The following EPS15 variants were observed in gnomAD, a reference collection of about 807,000 sequenced individuals.
The protein encoded by EPS15 is epidermal growth factor receptor substrate 15.
In EPS15, 72 loss-of-function variants were observed where a neutral mutation model predicts 113.8. The ratio of observed to expected loss-of-function variants is 0.63; its 90% CI spans 0.52 to 0.77. The LOEUF (loss-of-function observed/expected upper bound fraction) is 0.77, where lower values mean the gene tolerates loss of function less well. Ranked by LOEUF, EPS15 falls within the 30% of genes least tolerant of loss-of-function variation. The pLI, the probability that EPS15 is intolerant of heterozygous loss-of-function variation, is 0.00. For missense variants in EPS15, 1,048 were observed against 1,045.8 expected, an observed-to-expected ratio of 1.00 and a Z score of -0.03; for synonymous variants, 344 against 363.4, an observed-to-expected ratio of 0.95 and a Z score of 0.61.
chr1:51,494,372 T>C (rs1044934876), intron 1 of EPS15, among the ~76,000 whole-genome samples: 1 of 152,234 alleles, frequency 6.6e-6, no homozygotes, highest in African/African-American at 2.4e-5. Flanking sequence ...GCCCTCTCTA[T>C]TTTACTTTCT....
chr1:51,370,673 T>G (rs1232430149), intron 21 of EPS15, among the ~76,000 whole-genome samples: 1 of 151,748 alleles, frequency 6.6e-6, no homozygotes, highest in Non-Finnish European at 1.5e-5. Context: ...CAGGCTGGAG[T>G]GCAGTGGCAT....
intron 24 of EPS15, among the ~76,000 whole-genome samples, chr1:51,357,424 ATATTT>A (rs1202798499): frequency 2.1e-4 from 14 of 68,184 alleles, no homozygotes; most frequent in East Asian, 5.4e-4. Flanking sequence ...ATATATATAT[ATATTT>A]TTTTTTTTTA....
chr1:51,515,016 GACT>G (rs1158696590), intron 1 of EPS15, among the ~76,000 whole-genome samples: 3 of 152,210 alleles, frequency 2.0e-5, no homozygotes, highest in Non-Finnish European at 2.9e-5. Context: ...TGTTAAACCA[GACT>G]ACTAAGATGA....
chr1:51,408,886 G>A (rs1232641818), intron 14 of EPS15, among the ~76,000 whole-genome samples: 2 of 148,418 alleles, frequency 1.3e-5, no homozygotes, highest in African/African-American at 5.1e-5. Flanking sequence ...TGCAAGCTCC[G>A]CCTCCTGGGT....
intron 21 of EPS15, among the ~76,000 whole-genome samples, chr1:51,387,828 T>C (rs376395878): frequency 6.6e-6 from 1 of 152,160 alleles, no homozygotes; most frequent in Non-Finnish European, 1.5e-5. Flanking sequence ...AGCAAGTCCT[T>C]AGAGACCTAC....
At chr1:51,442,702 A>G (rs1652687107) in intron 11 of EPS15, among the ~76,000 whole-genome samples, 1 of 152,180 alleles carries the variant, frequency 6.6e-6, no homozygotes, top group South Asian at 2.1e-4. Flanking sequence ...ATGTGACAAA[A>G]GCATGCTGTT....
intron 20 of EPS15, among the ~76,000 whole-genome samples, chr1:51,398,336 A>G (rs907812564): frequency 3.9e-5 from 6 of 152,150 alleles, no homozygotes; most frequent in African/African-American, 1.4e-4. Context: ...TACAGGCGTG[A>G]GCCACCGCGC....
intron 12 of EPS15, chr1:51,423,335 C>T: frequency 8.3e-7 from 1 of 1,210,890 alleles, no homozygotes; most frequent in South Asian, 1.4e-5. Context: ...GACCATCCCC[C>T]ACCTCCAACC....
intron 2 of EPS15, among the ~76,000 whole-genome samples, chr1:51,476,818 T>C (rs978554690): frequency 6.6e-6 from 1 of 152,216 alleles, no homozygotes; most frequent in African/African-American, 2.4e-5. Flanking sequence ...TTGATCATGG[T>C]GGATAAGCTT....
At chr1:51,371,341 T>G (rs1377509052) in intron 21 of EPS15, among the ~76,000 whole-genome samples, 1 of 152,166 alleles carries the variant, frequency 6.6e-6, no homozygotes, top group African/African-American at 2.4e-5. Context: ...GACAGCTTCA[T>G]GTGTTTGACT....
At chr1:51,492,950 G>A (rs535710007) in intron 1 of EPS15, among the ~76,000 whole-genome samples, 316 of 152,058 alleles carry the variant, frequency 2.1e-3, no homozygotes, top group Non-Finnish European at 3.6e-3. Flanking sequence ...AACAACAGCC[G>A]GGCGCGGTGG....
At chr1:51,400,711 C>T (rs75259806) in intron 19 of EPS15, among the ~76,000 whole-genome samples, 1 of 47,082 alleles carries the variant, frequency 2.1e-5, no homozygotes, top group African/African-American at 1.1e-4. Flanking sequence ...ACAAAAAACA[C>T]CAAAAAAAAA....
chr1:51,355,950 CTT>C lies in EPS15; in HGVS notation c.*748_*749del, dbSNP rs1646209180. 1 of 191,656 alleles carries C rather than the reference CTT, an allele frequency of 5.2e-6. No homozygotes were observed. The highest frequency in any genetic ancestry group is 1.9e-4 in the South Asian group (1 of 5,164). 11.9% of individuals were successfully genotyped at this position (191,656 alleles called of 1,614,324 possible). ...CTTAAAATGAACATTTTCTTACAAA[CTT>C]TATTTGTAAGAAACTGATTTTTATT... is the stretch of plus-strand genomic sequence containing the variant. On this transcript the variant is annotated 3_prime_UTR_variant, in exon 25 of 25. Transcript: ENST00000371733.
chr1:51,468,014 A>C (rs1411920195), intron 5 of EPS15, among the ~76,000 whole-genome samples: 1 of 152,164 alleles, frequency 6.6e-6, no homozygotes, highest in Admixed American at 6.6e-5. Flanking sequence ...GCTGGAGAGC[A>C]ACGGTGTGAT....
At chr1:51,383,647 T>TC (rs1364912942) in intron 21 of EPS15, among the ~76,000 whole-genome samples, 1 of 152,154 alleles carries the variant, frequency 6.6e-6, no homozygotes, top group African/African-American at 2.4e-5. Flanking sequence ...ACTCACCTCC[T>TC]CCTGTGCAGC....
intron 22 of EPS15, among the ~76,000 whole-genome samples, chr1:51,364,640 G>A (rs1321049915): frequency 6.6e-6 from 1 of 151,892 alleles, no homozygotes; most frequent in Non-Finnish European, 1.5e-5. Context: ...GACTACAGGT[G>A]TGTACCACCA....
Position 51,457,510 on chromosome 1 carries a change from CTTTTTTTTT to C in EPS15, c.561+3572_561+3580del, listed in dbSNP as rs34245440. The C allele has an allele frequency of 1.1e-3, 80 of 70,718 alleles. 1 individual carries two copies. Among genetic ancestry groups the C allele is most frequent in the African/African-American group, 3.9e-3 (72 of 18,260 alleles). 4.4% of individuals were successfully genotyped at this position (70,718 alleles called of 1,614,324 possible). On this transcript the variant is annotated intron_variant, in intron 8 of 24. Coordinates refer to ENST00000371733, the MANE Select transcript of EPS15 (RefSeq NM_001981.3). ...ATTTTTTCGGATTTTGGAATATTAT[CTTTTTTTTT>C]TTTTTTTTTTTTTTTTCCAGATTCT... is the stretch of plus-strand genomic sequence containing the variant.
rs1327514604 is a variant in EPS15, at chr1:51,356,827, A to G, written c.2564T>C (p.Met855Thr). Residue 855 changes from methionine to threonine, a missense_variant, in exon 25 of 25, where the codon ATG (methionine) becomes ACG (threonine). Transcript: ENST00000371733. Reference protein sequence around the residue: ...NFSAYPSEEDMIEWAKRESER... With the variant: ...NFSAYPSEEDTIEWAKRESER... ...ACTTTCCCTCTTGGCCCATTCGATCATATCTTCTTCAGAGGGATACTGCCA... is the reference window on the plus strand; with the variant it reads ...ACTTTCCCTCTTGGCCCATTCGATCGTATCTTCTTCAGAGGGATACTGCCA... 6.2e-6 allele frequency: 10 copies of G among 1,613,334 alleles called. No individual in the cohort carries two copies. The highest frequency in any genetic ancestry group is 1.7e-4 in the Middle Eastern group (1 of 6,054).
chr1:51,467,345 C>A (rs1321960769), intron 5 of EPS15, among the ~76,000 whole-genome samples: 2 of 152,186 alleles, frequency 1.3e-5, no homozygotes, highest in Admixed American at 1.3e-4. Flanking sequence ...TAAATACATT[C>A]CTGCACATGC....
Sources: allele counts gnomAD v4.1 joint callset (sites outside exome capture counted in the v4.1 genomes callset), GRCh38; gene constraint gnomAD v4.1.1; transcripts MANE v1.5; gene names NCBI Gene and HGNC (gene_info 2026-07-23, HGNC 2026-07-21).